The following HOMER3 variants were observed in gnomAD, a reference collection of about 807,000 sequenced individuals.
HOMER3 encodes the protein homer scaffold protein 3.
A neutral mutation model predicts 45.5 loss-of-function variants in HOMER3; 34 were observed. The ratio of observed to expected loss-of-function variants is 0.75; its 90% confidence interval spans 0.57 to 1.00. HOMER3 has a LOEUF of 1.00. Among genes scored for constraint, HOMER3 ranks in the 50% least tolerant of loss-of-function variants. The pLI is 0.00. For missense variants in HOMER3, 480 were observed against 497.5 expected (o/e 0.96, Z 0.33); for synonymous variants, 223 against 208.8 (o/e 1.07, Z -0.58).
intron 1 of HOMER3, chr19:18,940,620 C>T (rs2057145518): frequency 6.6e-6 from 1 of 152,282 alleles, no homozygotes; most frequent in African/African-American, 2.4e-5. Context: ...CTCCTCCAAC[C>T]CCAGGTCGGT....
chr19:18,932,745 C>A (rs2057050539), intron 6 of HOMER3, among the ~76,000 whole-genome samples, 179 bp downstream of exon 6: 1 of 151,316 alleles, frequency 6.6e-6, no homozygotes, highest in Admixed American at 6.6e-5. Flanking sequence ...GTGGCCAACG[C>A]AGGGTAGGGG....
Position 18,929,306 on chromosome 19 carries a change from AGCCCAGCCCGGCCCG to A in HOMER3, c.*122_*136del. On this transcript the variant is annotated 3_prime_UTR_variant, in exon 10 of 10. Transcript: ENST00000392351. ...ACCAGAGCCGACTGGGGCCCACCCC[AGCCCAGCCCGGCCCG>A]GCCCACCCAGGGCTAAGTTGGGACC... 1.0e-6 allele frequency: 1 copy of A among 968,594 alleles called. No individual in the cohort carries two copies. Among genetic ancestry groups the A allele is most frequent in the South Asian group, 1.3e-5 (1 of 77,802 alleles). The allele number at this position is 968,594 out of a possible 1,614,324, so 60.0% of individuals were successfully genotyped here.
rs1297929703 is a variant in HOMER3 at position 18,931,337 on chromosome 19, C to T, written c.882G>A (p.Gln294=). ...ALEAAEREET[Q]QKVQDLETRN... The stretch of plus-strand genomic sequence containing the variant: ...TGCCCACACACACCTGCACCTTCTG[C>T]TGAGTCTCCTCACGCTCGGCAGCCT... Residue 294 remains glutamine (Q), a synonymous_variant, in exon 9 of 10, where the codon CAG becomes CAA. Transcript: ENST00000392351. 1.2e-6 allele frequency: 2 copies of T among 1,614,024 alleles called. No individual in the cohort carries two copies. Among genetic ancestry groups the T allele is most frequent in the African/African-American group, 1.3e-5 (1 of 74,960 alleles).
chr19:18,933,183 T>A, intron 5 of HOMER3, 138 bp from the exon 6 acceptor site: 1 of 1,145,556 alleles, frequency 8.7e-7, no homozygotes, highest in East Asian at 3.0e-5. Flanking sequence ...TCCAAGTGTG[T>A]CCCTCCCCAC....
At chr19:18,936,650 G>C (rs1178383519) in intron 4 of HOMER3, among the ~76,000 whole-genome samples, 2 of 144,036 alleles carry the variant, frequency 1.4e-5, no homozygotes, top group East Asian at 4.1e-4. Flanking sequence ...TGGCAACAGA[G>C]CTAGACTCTG....
rs76696102 is a variant in HOMER3, at chr19:18,931,996, C to T, written c.670G>A (p.Ala224Thr). The T allele has an allele frequency of 2.6e-6, 4 of 1,544,138 alleles. No individual in the cohort carries two copies. The African/African-American group carries it at 4.1e-5, about 16-fold the overall frequency. The change falls in exon 7 of 10, where the codon GCC (alanine) becomes ACC (threonine). Residue 224 changes from alanine to threonine, a missense_variant. Coordinates refer to ENST00000392351, the MANE Select transcript of HOMER3 (RefSeq NM_004838.4). Reference sequence around the variant, plus strand: ...CTCACCCGCTGCCGCAGCCGCTCGGCCTCTGCACGCTGAGCCTCCAGCTGC... The same window carrying T: ...CTCACCCGCTGCCGCAGCCGCTCGGTCTCTGCACGCTGAGCCTCCAGCTGC... ...RQQLEAQRAE[A>T]ERLRQRVAEL...
chr19:18,932,298 G>A (rs981742481), intron 6 of HOMER3, among the ~76,000 whole-genome samples, 166 bp from the exon 7 acceptor site: 1 of 147,044 alleles, frequency 6.8e-6, no homozygotes, highest in Non-Finnish European at 1.5e-5. Context: ...AGGGGGCGGG[G>A]CAGGGGTGGA....
At chr19:18,939,156 A>G (rs2057128211) in intron 1 of HOMER3, 107 bp from the exon 2 acceptor site, 3 of 630,536 alleles carry the variant, frequency 4.8e-6, no homozygotes, top group Non-Finnish European at 7.9e-6. Context: ...TGGAACTTTC[A>G]ATCAAAAAGG....
chr19:18,932,941 C>T lies in HOMER3; in HGVS notation c.516G>A (p.Lys172=). 8.1e-7 allele frequency: 1 copy of T among 1,232,504 alleles called. No homozygotes were observed. Among genetic ancestry groups the T allele is most frequent in the Non-Finnish European group, 1.0e-6 (1 of 963,576 alleles). 76.3% of individuals were successfully genotyped at this position (1,232,504 alleles called of 1,614,324 possible). A position where few individuals can be genotyped will look rare whatever the true frequency, so the allele number is the denominator to read the frequency against. ...APGPTERERL[K]KMLSEGSVGE... ...CCCCTCACCCCTCAGACAACATCTT[C>T]TTTAGCCGCTCGCGCTCTGTGGGGC... The change falls in exon 6 of 10, where the codon AAG becomes AAA. Residue 172 remains lysine, a synonymous_variant. Transcript: ENST00000392351.
At position 18,932,132 on chromosome 19, in the gene HOMER3, G is replaced by A. The variant is rs772419999; in HGVS notation, c.534C>T (p.Gly178=). The change falls in exon 7 of 10, where the codon GGC becomes GGT. Residue 178 remains glycine, a splice_region_variant and synonymous_variant. Transcript: ENST00000392351. ...RERLKKMLSE[G]SVGEVQWEAE... Reference sequence around the variant, plus strand: ...CCTCCCACTGTACCTCGCCCACGGAGCTGCAGAGACACGAGGGTCGGCAGT... The same window carrying A: ...CCTCCCACTGTACCTCGCCCACGGAACTGCAGAGACACGAGGGTCGGCAGT... The A allele has an allele frequency of 3.9e-5, 61 of 1,553,400 alleles. No individual in the cohort carries two copies. Among genetic ancestry groups the A allele is most frequent in the Non-Finnish European group, 5.1e-5 (59 of 1,149,798 alleles).
At chr19:18,930,737 C>T (rs976972344) in intron 9 of HOMER3, among the ~76,000 whole-genome samples, 3 of 151,172 alleles carry the variant, frequency 2.0e-5, no homozygotes, top group Non-Finnish European at 2.9e-5. Context: ...TGCCCGGGCA[C>T]GGTGGCGCAT....
At chr19:18,931,861 C>T in intron 7 of HOMER3, 115 bp downstream of exon 7, 1 of 1,428,936 alleles carries the variant, frequency 7.0e-7, no homozygotes, top group South Asian at 1.5e-5. Flanking sequence ...GGTCAGTGAC[C>T]TGCTGAGGTC....
chr19:18,931,876 AG>A, intron 7 of HOMER3, 99 bp downstream of exon 7: 1 of 1,434,966 alleles, frequency 7.0e-7, no homozygotes, highest in East Asian at 2.5e-5. Context: ...GAGGTCACAC[AG>A]CTAGTCCATG....
Position 18,932,940 on chromosome 19 carries a change from T to G in HOMER3, c.517A>C (p.Lys173Gln). ...GCCCCTCACCCCTCAGACAACATCT[T>G]CTTTAGCCGCTCGCGCTCTGTGGGG... is the stretch of plus-strand genomic sequence containing the variant. ...PGPTERERLKKMLSEGSVGEV... is the reference protein window; with the variant it reads ...PGPTERERLKQMLSEGSVGEV... Residue 173 changes from lysine (K) to glutamine (Q), a missense_variant, in exon 6 of 10, where the codon AAG (lysine) becomes CAG (glutamine). By Grantham distance (53) the Lys-to-Gln change is moderately conservative (BLOSUM62 1). Transcript: ENST00000392351. The G allele has an allele frequency of 7.4e-7, 1 of 1,347,276 alleles. No homozygotes were observed. Among genetic ancestry groups the G allele is most frequent in the African/African-American group, 1.6e-5 (1 of 63,878 alleles). 83.5% of individuals were successfully genotyped at this position (1,347,276 alleles called of 1,614,324 possible). A position where few individuals can be genotyped will look rare whatever the true frequency, so the allele number is the denominator to read the frequency against.
Position 18,931,412 on chromosome 19 carries a change from C to G in HOMER3, c.808-1G>C. 6.2e-7 allele frequency: 1 copy of G among 1,614,146 alleles called. No homozygotes were observed. The highest frequency in any genetic ancestry group is 8.5e-7 in the Non-Finnish European group (1 of 1,179,980). ...TCTGACTCTTCAGGGTCTGAATCTC[C>G]TAGAGGAGAAGAGTTCCCAGGGTCT... is the stretch of plus-strand genomic sequence containing the variant. On this transcript the variant is annotated splice_acceptor_variant, in intron 8 of 9. Transcript: ENST00000392351. LOFTEE classifies it high-confidence loss of function.
At chr19:18,937,861 G>A (rs1347463180) in intron 4 of HOMER3, among the ~76,000 whole-genome samples, 1 of 151,952 alleles carries the variant, frequency 6.6e-6, no homozygotes, top group East Asian at 1.9e-4. Context: ...CCAAAGAGGA[G>A]CAGGGTGTGT....
intron 9 of HOMER3, among the ~76,000 whole-genome samples, chr19:18,930,802 G>A (rs1241969986): frequency 6.6e-5 from 10 of 152,066 alleles, no homozygotes; most frequent in Admixed American, 5.9e-4. Context: ...GAGATCAGGA[G>A]TTGAGACCAG....
Position 18,938,826 on chromosome 19 carries a change from G to T in HOMER3, c.73C>A (p.Arg25=), listed in dbSNP as rs200689130. The T allele has an allele frequency of 8.1e-6, 13 of 1,600,802 alleles. No individual in the cohort carries two copies. The South Asian group carries it at 1.1e-4, about 14-fold the overall frequency. ...TGCTTGCCCGCTGGGATCCAGTTTC[G>T]CTTGGTGGCTGGGTCAATTTGGAAC... ...HVFQIDPATK[R]NWIPAGKHAL... The change falls in exon 3 of 10, where the codon CGA becomes AGA. Residue 25 remains arginine, a synonymous_variant. Coordinates refer to ENST00000392351, the MANE Select transcript of HOMER3 (RefSeq NM_004838.4).
rs377159107 is a variant in HOMER3 at position 18,929,401 on chromosome 19, C to G, written c.*42G>C. On this transcript the variant is annotated 3_prime_UTR_variant, in exon 10 of 10. Coordinates refer to ENST00000392351, the MANE Select transcript of HOMER3 (RefSeq NM_004838.4). ...CAACTATGCCGCCTGCAGCCTGGCC[C>G]GCATCCCAGGCCGGAATCGTTCATA... The G allele has an allele frequency of 2.5e-6, 4 of 1,571,066 alleles. No individual in the cohort carries two copies. Among genetic ancestry groups the G allele is most frequent in the Non-Finnish European group, 8.6e-7 (1 of 1,156,552 alleles).
Sources: allele counts gnomAD v4.1 joint callset (sites outside exome capture counted in the v4.1 genomes callset), GRCh38; gene constraint gnomAD v4.1.1; transcripts MANE v1.5; gene names NCBI Gene and HGNC (gene_info 2026-07-23, HGNC 2026-07-21).